DIAPH2: variants seen among roughly 807,000 people sequenced by gnomAD.
The protein encoded by DIAPH2 is diaphanous related formin 2.
A neutral mutation model predicts 92.7 loss-of-function variants in DIAPH2; 35 were observed. The ratio of observed to expected loss-of-function variants is 0.38; its 90% CI spans 0.29 to 0.50. DIAPH2 has a LOEUF of 0.50. DIAPH2 is among the 20% of genes least tolerant of loss of function. The pLI is 0.94. For missense variants in DIAPH2, 701 were observed against 819.5 expected (o/e 0.86, Z 1.77); for synonymous variants, 301 against 280.4 (o/e 1.07, Z -0.73).
rs144870109 is a variant in DIAPH2, at chrX:97,365,241, A to C, written c.3009+16961A>C. 5.4e-3 allele frequency among the ~76,000 whole-genome samples: 602 copies of C among 110,976 alleles called. 4 individuals carry two copies. Among genetic ancestry groups the C allele is most frequent in the African/African-American group, 0.017 (526 of 30,578 alleles). On this transcript the variant is annotated intron_variant, in intron 24 of 26. Coordinates refer to ENST00000324765, the MANE Select transcript of DIAPH2 (RefSeq NM_006729.5). ...AAAAAAAAATCTTACTTTCATCCTC[A>C]CTTTAACGGCCCAAGTTTCAGTGTT...
chrX:97,510,254 G>A (rs1447755150), intron 26 of DIAPH2, among the ~76,000 whole-genome samples: 2 of 111,020 alleles, frequency 1.8e-5, no homozygotes, highest in African/African-American at 6.6e-5. Flanking sequence ...TTTCTCTGAT[G>A]GCCAGTGATG....
chrX:97,167,162 C>G (rs181781571), intron 22 of DIAPH2, among the ~76,000 whole-genome samples: 3 of 111,340 alleles, frequency 2.7e-5, no homozygotes, highest in East Asian at 2.8e-4. Context: ...ACAAAGCTGA[C>G]GAGAACAATG....
At chrX:97,457,295 G>A (rs1337065782) in intron 26 of DIAPH2, among the ~76,000 whole-genome samples, 2 of 112,456 alleles carry the variant, frequency 1.8e-5, no homozygotes, top group Non-Finnish European at 3.8e-5. Context: ...AATTACAGGC[G>A]TGAGCCACCA....
chrX:96,836,662 A>G (rs1181034636), intron 4 of DIAPH2, among the ~76,000 whole-genome samples: 1 of 84,180 alleles, frequency 1.2e-5, no homozygotes, highest in African/African-American at 4.8e-5. Flanking sequence ...GGACTTGACT[A>G]ATTTCATTTT....
intron 21 of DIAPH2, among the ~76,000 whole-genome samples, chrX:97,115,278 G>C (rs2067008351): frequency 9.0e-6 from 1 of 111,623 alleles, no homozygotes; most frequent in Admixed American, 9.5e-5. Flanking sequence ...GCTCACACCT[G>C]TAATCCCAGC....
At chrX:97,222,226 T>G (rs2067931589) in intron 22 of DIAPH2, among the ~76,000 whole-genome samples, 1 of 110,084 alleles carries the variant, frequency 9.1e-6, no homozygotes. Context: ...ATGATTGAGA[T>G]GGAGTTTCGC....
intron 21 of DIAPH2, among the ~76,000 whole-genome samples, chrX:97,124,995 A>G (rs1015048990): frequency 1.8e-5 from 2 of 111,631 alleles, no homozygotes; most frequent in South Asian, 3.7e-4. Context: ...GTGTGTGTGC[A>G]TATGGGTGTT....
intron 26 of DIAPH2, among the ~76,000 whole-genome samples, chrX:97,592,538 G>T (rs1321006569): frequency 8.9e-6 from 1 of 111,909 alleles, no homozygotes; most frequent in Non-Finnish European, 1.9e-5. Flanking sequence ...AAAAGGAAAG[G>T]CGTTCTTTGC....
chrX:96,909,485 G>T (rs1408410366), intron 5 of DIAPH2, among the ~76,000 whole-genome samples: 1 of 111,212 alleles, frequency 9.0e-6, no homozygotes, highest in Non-Finnish European at 1.9e-5. Flanking sequence ...CAGAGAAATG[G>T]TGGTGCTGGC....
intron 4 of DIAPH2, among the ~76,000 whole-genome samples, chrX:96,823,193 A>G (rs1252390491): frequency 9.0e-6 from 1 of 111,677 alleles, no homozygotes; most frequent in African/African-American, 3.2e-5. Context: ...GCAGAATGAA[A>G]CATAAGCAAT....
intron 23 of DIAPH2, among the ~76,000 whole-genome samples, chrX:97,261,828 C>G (rs1158662466): frequency 9.0e-6 from 1 of 111,641 alleles, no homozygotes; most frequent in Non-Finnish European, 1.9e-5. Flanking sequence ...TTGAGCATCA[C>G]TTTCAGCTCT....
intron 4 of DIAPH2, among the ~76,000 whole-genome samples, chrX:96,773,717 G>A (rs911773002): frequency 1.8e-5 from 2 of 110,986 alleles, no homozygotes; most frequent in Non-Finnish European, 3.8e-5. Flanking sequence ...GGGTGTGGTG[G>A]CACATGCCTA....
At chrX:96,887,046 G>A (rs756090644) in intron 5 of DIAPH2, among the ~76,000 whole-genome samples, 66 of 110,885 alleles carry the variant, frequency 6.0e-4, no homozygotes, top group African/African-American at 2.1e-3. Flanking sequence ...ATCTGTGTTC[G>A]TTGGGGTTTT....
At chrX:96,691,970 A>G (rs775227113) in intron 1 of DIAPH2, among the ~76,000 whole-genome samples, 1 of 112,423 alleles carries the variant, frequency 8.9e-6, no homozygotes, top group East Asian at 2.8e-4. Context: ...GTTCTGTGAT[A>G]TCATAGACAT....
intron 17 of DIAPH2, among the ~76,000 whole-genome samples, chrX:97,018,845 C>A (rs2066277916): frequency 9.0e-6 from 1 of 111,646 alleles, no homozygotes; most frequent in Non-Finnish European, 1.9e-5. Context: ...ATGTATCTAC[C>A]ATTTTAGTAT....
chrX:97,290,966 C>T (rs956622474), intron 23 of DIAPH2, among the ~76,000 whole-genome samples: 3 of 109,183 alleles, frequency 2.7e-5, no homozygotes, highest in African/African-American at 1.0e-4. Context: ...TGCCTGTAAT[C>T]CCAGCTACTG....
intron 5 of DIAPH2, among the ~76,000 whole-genome samples, chrX:96,904,106 C>A (rs1010665519): frequency 4.5e-5 from 5 of 112,020 alleles, no homozygotes; most frequent in Non-Finnish European, 7.5e-5. Context: ...TGCAGTAAGA[C>A]TGATAGAATA....
chrX:96,788,156 T>G (rs981154309), intron 4 of DIAPH2, among the ~76,000 whole-genome samples: 1 of 111,857 alleles, frequency 8.9e-6, no homozygotes, highest in Non-Finnish European at 1.9e-5. Context: ...TATAGCTAAT[T>G]TTAAGACTCT....
At chrX:96,813,457 T>C (rs2064703462) in intron 4 of DIAPH2, among the ~76,000 whole-genome samples, 1 of 111,090 alleles carries the variant, frequency 9.0e-6, no homozygotes, top group Admixed American at 9.6e-5. Flanking sequence ...AGCACACTGA[T>C]GGGTCTTGAC....
Sources: allele counts gnomAD v4.1 joint callset (sites outside exome capture counted in the v4.1 genomes callset), GRCh38; gene constraint gnomAD v4.1.1; transcripts MANE v1.5; gene names NCBI Gene and HGNC (gene_info 2026-07-23, HGNC 2026-07-21).